The following MACROD1 variants were observed in gnomAD, a reference collection of about 807,000 sequenced individuals.
The protein encoded by MACROD1 is mono-ADP ribosylhydrolase 1, also known as ADP-ribose glycohydrolase MACROD1.
A neutral mutation model predicts 41.4 loss-of-function variants in MACROD1; 31 were observed. The ratio of observed to expected loss-of-function variants is 0.75; its 90% CI spans 0.56 to 1.01. The LOEUF is 1.01. MACROD1 is among the 50% of genes least tolerant of loss of function. The pLI is 0.00. For synonymous variants in MACROD1, 252 were observed against 203.4 expected (o/e 1.24, Z -2.03); for missense variants, 473 against 460.0 (o/e 1.03, Z -0.26).
rs925112848 is a variant in MACROD1, at chr11:64,161,040, G to A, written c.298+4657C>T. On this transcript the variant is annotated intron_variant, in intron 1 of 10. Transcript: ENST00000255681. Reference sequence around the variant, plus strand: ...ACAAAAATTAGCCAGGCGTGGTGGCGGGTGCCTGTAATCCCAGCAACTCTG... The same window carrying A: ...ACAAAAATTAGCCAGGCGTGGTGGCAGGTGCCTGTAATCCCAGCAACTCTG... Among the ~76,000 whole-genome samples, 14 of 151,706 alleles carry A rather than the reference G, an allele frequency of 9.2e-5. 1 individual carries two copies. The highest frequency in any genetic ancestry group is 4.6e-4 in the Admixed American group (7 of 15,204).
rs1360522565 is a variant in MACROD1 at position 64,122,884 on chromosome 11, G to A, written c.517+28355C>T. On this transcript the variant is annotated intron_variant, in intron 3 of 10. Transcript: ENST00000255681. The surrounding 1 kb of genome is among the most constrained non-coding windows in gnomAD (Gnocchi z 4.0). ...ACCTGTGCCTCCCTCCTTCACCTCC[G>A]GCCCTGGAGCCAAGGAGCCAGGAGA... 6.6e-6 allele frequency among the ~76,000 whole-genome samples: 1 copy of A among 152,190 alleles called. No homozygotes were observed. Among genetic ancestry groups the A allele is most frequent in the African/African-American group, 2.4e-5 (1 of 41,442 alleles).
intron 3 of MACROD1, among the ~76,000 whole-genome samples, chr11:64,087,756 C>T (rs754297963): frequency 9.9e-5 from 15 of 152,258 alleles, no homozygotes; most frequent in Non-Finnish European, 1.6e-4. Context: ...GTACACAGAG[C>T]ACGCTGTGCA....
intron 3 of MACROD1, among the ~76,000 whole-genome samples, chr11:64,107,469 C>T (rs184861074): frequency 6.9e-4 from 105 of 152,236 alleles, no homozygotes; most frequent in Non-Finnish European, 1.4e-3. Flanking sequence ...TTCAGGACAT[C>T]CCGCCGCCTG....
At chr11:64,028,560 C>G (rs1943252287) in intron 3 of MACROD1, among the ~76,000 whole-genome samples, 1 of 152,222 alleles carries the variant, frequency 6.6e-6, no homozygotes, top group Non-Finnish European at 1.5e-5. Context: ...CCCCTCTGCT[C>G]CCTCCGCGGC....
Position 64,127,386 on chromosome 11 carries a change from C to T in MACROD1, c.517+23853G>A, listed in dbSNP as rs895321300. On this transcript the variant is annotated intron_variant, in intron 3 of 10. Coordinates refer to ENST00000255681, the MANE Select transcript of MACROD1 (RefSeq NM_014067.4). ...TGGTCTCAGCGGCCCACCCCCTCCC[C>T]GGGCCTTGCCCCCGAGGCTCAGCCC... Among the ~76,000 whole-genome samples the T allele has an allele frequency of 8.5e-5, 13 of 152,200 alleles. No homozygotes were observed. In the South Asian group the frequency reaches 1.0e-3, roughly 12 times the overall value.
chr11:64,092,661 T>TG (rs1258620798), intron 3 of MACROD1, among the ~76,000 whole-genome samples: 1 of 152,218 alleles, frequency 6.6e-6, no homozygotes, highest in Non-Finnish European at 1.5e-5. Context: ...AGCCACCAGC[T>TG]GGGTACCAGG....
intron 4 of MACROD1, among the ~76,000 whole-genome samples, chr11:64,010,042 T>TTGGGGTGTTGGCTGGGGTGTTGGC: frequency 7.5e-6 from 1 of 133,430 alleles, no homozygotes; most frequent in African/African-American, 2.8e-5. Context: ...GGGTTGTTGG[T>TTGGGGTGTTGGCTGGGGTGTTGGC]TGGGGTGTTG....
intron 3 of MACROD1, among the ~76,000 whole-genome samples, chr11:64,098,257 C>T (rs1944613016): frequency 6.6e-6 from 1 of 152,200 alleles, no homozygotes; most frequent in Admixed American, 6.5e-5. Context: ...TTCAGAGCGC[C>T]CCTAAGGCCA....
At chr11:64,017,790 C>A (rs1191780880) in intron 3 of MACROD1, among the ~76,000 whole-genome samples, 4 of 152,180 alleles carry the variant, frequency 2.6e-5, no homozygotes, top group African/African-American at 9.7e-5. Context: ...CCACCTCCCC[C>A]CATCACCTCT....
chr11:64,038,285 GGCCTGCA>G (rs1216789061), intron 3 of MACROD1, among the ~76,000 whole-genome samples: 2 of 152,198 alleles, frequency 1.3e-5, no homozygotes, highest in Non-Finnish European at 2.9e-5. Context: ...GGTGACCCTG[GGCCTGCA>G]GCCTCCCCTC....
At chr11:64,045,594 G>A (rs566572056) in intron 3 of MACROD1, among the ~76,000 whole-genome samples, 6 of 152,252 alleles carry the variant, frequency 3.9e-5, no homozygotes, top group African/African-American at 9.6e-5. Context: ...AGGGAGCAGC[G>A]GCGTTCAGCT....
intron 4 of MACROD1, chr11:64,001,521 G>T (rs749024375): frequency 3.3e-5 from 23 of 702,274 alleles, no homozygotes; most frequent in Non-Finnish European, 5.2e-5. Context: ...GGGATGCCAG[G>T]TAGCTCACAC....
At chr11:64,125,725 G>A (rs1565248715) in intron 3 of MACROD1, among the ~76,000 whole-genome samples, 1 of 152,204 alleles carries the variant, frequency 6.6e-6, no homozygotes, top group East Asian at 1.9e-4. Flanking sequence ...ACCTGTGTCA[G>A]TAACTCAGTT....
intron 3 of MACROD1, among the ~76,000 whole-genome samples, chr11:64,114,256 G>GTGGA (rs1555025643): frequency 1.6e-4 from 22 of 138,026 alleles, no homozygotes; most frequent in South Asian, 4.9e-4. Context: ...GGATGGTTAG[G>GTGGA]TGGATGGATG....
intron 1 of MACROD1, among the ~76,000 whole-genome samples, chr11:64,160,694 T>C (rs1412645092): frequency 2.6e-5 from 4 of 151,766 alleles, no homozygotes; most frequent in African/African-American, 9.7e-5. Flanking sequence ...CACATGCCTA[T>C]AGTCCCAGCT....
chr11:64,021,847 G>C (rs754558095), intron 3 of MACROD1, among the ~76,000 whole-genome samples: 7 of 149,722 alleles, frequency 4.7e-5, no homozygotes, highest in Non-Finnish European at 1.0e-4. Flanking sequence ...GAGACCATCA[G>C]GAAAGACAGC....
chr11:63,999,772 G>C lies in MACROD1; in HGVS notation c.665-9C>G, dbSNP rs1282121275. The C allele has an allele frequency of 1.2e-6, 2 of 1,603,620 alleles. No individual in the cohort carries two copies. Among genetic ancestry groups the C allele is most frequent in the South Asian group, 2.2e-5 (2 of 90,512 alleles). ...CACTGTGTGGATGACGTCTACGGGG[G>C]GCGACGGGGTCAGACCGGCGGGGGT... On this transcript the variant is annotated splice_polypyrimidine_tract_variant and intron_variant, in intron 5 of 10. Transcript: ENST00000255681.
intron 4 of MACROD1, among the ~76,000 whole-genome samples, chr11:64,005,678 T>C: frequency 6.6e-6 from 1 of 152,214 alleles, no homozygotes; most frequent in Non-Finnish European, 1.5e-5. Context: ...GGATCCCCTT[T>C]TTACAGATGG....
At chr11:64,018,427 G>A (rs962120524) in intron 3 of MACROD1, among the ~76,000 whole-genome samples, 4 of 152,186 alleles carry the variant, frequency 2.6e-5, no homozygotes, top group Admixed American at 2.0e-4. Context: ...CTCCAAGGCC[G>A]GAGAGCTGGG....
Sources: gnomAD v4.1 joint callset for allele counts (sites outside exome capture counted in the v4.1 genomes callset) on GRCh38, gnomAD v4.1.1 for gene constraint, Gnocchi (gnomAD v3.1) non-coding constraint, MANE v1.5 for transcripts, NCBI Gene and HGNC (gene_info 2026-07-23, HGNC 2026-07-21) for gene names.